CAMK2D: variants seen among roughly 807,000 people sequenced by gnomAD.
CAMK2D encodes calcium/calmodulin-dependent protein kinase type II subunit delta.
A neutral mutation model predicts 84.0 loss-of-function variants in CAMK2D; 37 were observed. That is an observed-to-expected ratio of 0.44 (90% CI 0.34 to 0.58). The LOEUF (loss-of-function observed/expected upper bound fraction) is 0.58. Ranked by LOEUF, CAMK2D falls within the 20% of genes least tolerant of loss-of-function variation. The probability of loss-of-function intolerance (pLI) is 0.02; values close to 1 mark genes in which losing one functional copy is unlikely to be tolerated. For synonymous variants in CAMK2D, 202 were observed against 212.5 expected (o/e 0.95, Z 0.43); for missense variants, 448 against 652.5 (o/e 0.69, Z 3.41).
At chr4:113,745,493 T>G (rs1362469819) in intron 2 of CAMK2D, among the ~76,000 whole-genome samples, 1 of 152,222 alleles carries the variant, frequency 6.6e-6, no homozygotes, top group Non-Finnish European at 1.5e-5. Context: ...TGTAAGTTTT[T>G]TGTGGGAACT....
intron 16 of CAMK2D, among the ~76,000 whole-genome samples, chr4:113,481,185 G>A (rs2097697189): frequency 6.6e-6 from 1 of 152,116 alleles, no homozygotes; most frequent in Admixed American, 6.5e-5. Context: ...CACAATTTCA[G>A]GAGAATTCCG....
At chr4:113,537,591 A>C in intron 6 of CAMK2D, 148 bp from the exon 7 acceptor site, 1 of 614,042 alleles carries the variant, frequency 1.6e-6, no homozygotes, top group South Asian at 2.0e-5. Flanking sequence ...TCCCAGGGAA[A>C]ATACAGTTAG....
chr4:113,754,274 G>A, intron 2 of CAMK2D: 1 of 977,134 alleles, frequency 1.0e-6, no homozygotes, highest in Non-Finnish European at 1.2e-6. Flanking sequence ...GAAGACTGAT[G>A]TTAAAAAATA....
intron 8 of CAMK2D, among the ~76,000 whole-genome samples, chr4:113,526,426 G>A (rs989229660): frequency 2.6e-5 from 4 of 152,078 alleles, no homozygotes; most frequent in South Asian, 2.1e-4. Context: ...GTGTGTGTGT[G>A]TGTGTGTGTG....
chr4:113,670,108 G>A (rs901444667), intron 2 of CAMK2D, among the ~76,000 whole-genome samples: 30 of 152,130 alleles, frequency 2.0e-4, no homozygotes, highest in African/African-American at 6.3e-4. Context: ...GTGATACACC[G>A]TCTGTACTAC....
chr4:113,596,739 A>T (rs1224325953), intron 4 of CAMK2D, among the ~76,000 whole-genome samples: 3 of 152,070 alleles, frequency 2.0e-5, no homozygotes, highest in African/African-American at 7.2e-5. Flanking sequence ...ATGTAAACAG[A>T]TGTGCTGTCG....
chr4:113,457,779 C>T (rs1356183664), intron 18 of CAMK2D, among the ~76,000 whole-genome samples: 1 of 152,116 alleles, frequency 6.6e-6, no homozygotes, highest in African/African-American at 2.4e-5. Context: ...ATCTGGTTTC[C>T]TTTACAGGCA....
intron 3 of CAMK2D, among the ~76,000 whole-genome samples, chr4:113,645,321 G>A (rs1476426080): frequency 6.6e-6 from 1 of 152,090 alleles, no homozygotes; most frequent in Non-Finnish European, 1.5e-5. Context: ...CGGCCTGAAT[G>A]TTTTTTACAT....
chr4:113,552,135 C>T, intron 4 of CAMK2D, 39 bp from the exon 5 acceptor site: 1 of 1,120,642 alleles, frequency 8.9e-7, no homozygotes, highest in Non-Finnish European at 1.3e-6. Context: ...TAAAAAGAAG[C>T]AAAAAAAAAT....
Position 113,454,385 on chromosome 4 carries a change from G to A in CAMK2D, c.*160C>T, listed in dbSNP as rs1012909606. ...TATGATAAGATGATGCATCACATAT[G>A]CATTACATGTAGGACCTTCACAACT... is the stretch of plus-strand genomic sequence containing the variant. On this transcript the variant is annotated 3_prime_UTR_variant, in exon 21 of 21. Coordinates refer to ENST00000511664, the MANE Select transcript of CAMK2D (RefSeq NM_001321571.2). 7.2e-6 allele frequency: 5 copies of A among 690,168 alleles called. No homozygotes were observed. Among genetic ancestry groups the A allele is most frequent in the African/African-American group, 5.3e-5 (3 of 56,130 alleles). The allele number at this position is 690,168 out of a possible 1,614,324, so 42.8% of individuals were successfully genotyped here.
At chr4:113,466,415 C>G (rs920956537) in intron 16 of CAMK2D, among the ~76,000 whole-genome samples, 1 of 152,068 alleles carries the variant, frequency 6.6e-6, no homozygotes, top group Non-Finnish European at 1.5e-5. Flanking sequence ...AATAATATGT[C>G]TATCTTCAGA....
At chr4:113,581,064 C>A (rs1286337104) in intron 4 of CAMK2D, among the ~76,000 whole-genome samples, 3 of 151,640 alleles carry the variant, frequency 2.0e-5, no homozygotes, top group Non-Finnish European at 2.9e-5. Flanking sequence ...TGTGCCCCAG[C>A]ACTAAAAATA....
At chr4:113,729,050 C>A (rs779670659) in intron 2 of CAMK2D, among the ~76,000 whole-genome samples, 1 of 150,674 alleles carries the variant, frequency 6.6e-6, no homozygotes, top group South Asian at 2.1e-4. Flanking sequence ...TGTAAAATTG[C>A]TTTTAAATGG....
At chr4:113,505,203 C>CAATTATTA (rs2098113952) in intron 13 of CAMK2D, among the ~76,000 whole-genome samples, 168 bp from the exon 14 acceptor site, 1 of 152,120 alleles carries the variant, frequency 6.6e-6, no homozygotes, top group African/African-American at 2.4e-5. Context: ...CGCTAGTCTC[C>CAATTATTA]GATGGTCACA....
chr4:113,571,280 C>A (rs1251987385), intron 4 of CAMK2D, among the ~76,000 whole-genome samples: 1 of 152,154 alleles, frequency 6.6e-6, no homozygotes, highest in Non-Finnish European at 1.5e-5. Flanking sequence ...TCCAGTAATT[C>A]CACTATGGGG....
intron 4 of CAMK2D, among the ~76,000 whole-genome samples, chr4:113,607,859 C>A (rs574084670): frequency 1.3e-5 from 2 of 152,186 alleles, no homozygotes; most frequent in Non-Finnish European, 2.9e-5. Context: ...AACAAAATCA[C>A]AATTTAGTTC....
chr4:113,565,581 G>A (rs1303632349), intron 4 of CAMK2D, among the ~76,000 whole-genome samples: 1 of 151,146 alleles, frequency 6.6e-6, no homozygotes, highest in Non-Finnish European at 1.5e-5. Flanking sequence ...ACCCCGGGAG[G>A]CAGAGGTTGC....
At position 113,451,534 on chromosome 4, in the gene CAMK2D, C is replaced by T. The variant is rs2097257791; in HGVS notation, c.*3011G>A. ...ACTGAGGGTCAGAGGGAAGAGGTAA[C>T]TTGCTCAGAGCATCAAGACAGTGGT... On this transcript the variant is annotated 3_prime_UTR_variant, in exon 21 of 21. Transcript: ENST00000511664. The T allele has an allele frequency of 6.6e-6, 1 of 152,172 alleles. No homozygotes were observed. 9.4% of individuals were successfully genotyped at this position (152,172 alleles called of 1,614,324 possible). A position where few individuals can be genotyped will look rare whatever the true frequency, so the allele number is the denominator to read the frequency against.
Position 113,500,520 on chromosome 4 carries a change from A to C in CAMK2D, c.1087-9T>G. 2 of 1,581,928 alleles carry C rather than the reference A, an allele frequency of 1.3e-6. No homozygotes were observed. Among genetic ancestry groups the C allele is most frequent in the South Asian group, 1.1e-5 (1 of 88,884 alleles). On this transcript the variant is annotated splice_polypyrimidine_tract_variant and intron_variant, in intron 15 of 20. Coordinates refer to ENST00000511664, the MANE Select transcript of CAMK2D (RefSeq NM_001321571.2). The stretch of plus-strand genomic sequence containing the variant: ...GAACTCTCAGTTGACTCCTGATGAG[A>C]AGAAAACACATTTTTAGGTTGCACG...
Sources: gnomAD v4.1 joint callset for allele counts (sites outside exome capture counted in the v4.1 genomes callset) on GRCh38, gnomAD v4.1.1 for gene constraint, MANE v1.5 for transcripts, NCBI Gene and HGNC (gene_info 2026-07-23, HGNC 2026-07-21) for gene names.